The following SHISA9 variants were observed in gnomAD, a reference collection of about 807,000 sequenced individuals.
SHISA9 encodes shisa family member 9, also known as protein shisa-9.
A neutral mutation model predicts 38.0 loss-of-function variants in SHISA9; 13 were observed. The observed-to-expected ratio is 0.34, with a 90% CI of 0.22 to 0.54. SHISA9 has a LOEUF of 0.54. Ranked by LOEUF, SHISA9 falls within the 20% of genes least tolerant of loss-of-function variation. SHISA9 has a pLI of 0.91. For synonymous variants in SHISA9, 275 were observed against 242.0 expected (o/e 1.14, Z -1.27); for missense variants, 538 against 575.8 (o/e 0.93, Z 0.67).
At chr16:13,477,599 CTCCTT>C in the SHISA9 span, among the ~76,000 whole-genome samples, 1 of 152,188 alleles carries the variant, frequency 6.6e-6, no homozygotes, top group Non-Finnish European at 1.5e-5. Context: ...CATTTTCTCT[CTCCTT>C]TCCTTCTTCC....
chr16:13,155,569 G>A (rs1026947361), intron 2 of SHISA9, among the ~76,000 whole-genome samples: 2 of 147,268 alleles, frequency 1.4e-5, no homozygotes, highest in African/African-American at 5.0e-5. Flanking sequence ...GCCTTTCATA[G>A]TGTGTTTGTT....
At position 13,006,813 on chromosome 16, in the gene SHISA9, C is replaced by A. The variant is rs181922017; in HGVS notation, c.691+89998C>A. 3.2e-3 allele frequency among the ~76,000 whole-genome samples: 485 copies of A among 152,300 alleles called. 3 individuals are homozygous for A. The highest frequency in any genetic ancestry group is 0.011 in the African/African-American group (466 of 41,564). ...TGTGTTTGACACAATTGTCCACTCT[C>A]TGATCACTGAAGCTCATCCCCCGTC... On this transcript the variant is annotated intron_variant, in intron 2 of 4. Transcript: ENST00000558583.
the SHISA9 span, among the ~76,000 whole-genome samples, chr16:13,534,266 C>T: frequency 6.8e-6 from 1 of 146,882 alleles, no homozygotes; most frequent in Non-Finnish European, 1.5e-5. Flanking sequence ...GCTCTATTGC[C>T]TGAGCTGGAG....
At chr16:13,555,981 C>T in the SHISA9 span, among the ~76,000 whole-genome samples, 3 of 152,148 alleles carry the variant, frequency 2.0e-5, no homozygotes, top group African/African-American at 7.2e-5. Context: ...TCAGTTTCCT[C>T]ATTTGTTAGA....
chr16:13,544,406 T>C, the SHISA9 span, among the ~76,000 whole-genome samples: 13 of 123,474 alleles, frequency 1.1e-4, no homozygotes, highest in African/African-American at 3.8e-4. Context: ...GGTTTTTTGT[T>C]TTTTCGGGTT....
At chr16:12,964,185 A>G (rs1247046754) in intron 2 of SHISA9, among the ~76,000 whole-genome samples, 1 of 152,212 alleles carries the variant, frequency 6.6e-6, no homozygotes, top group Non-Finnish European at 1.5e-5. Flanking sequence ...TTTAGAACCA[A>G]GATACAGATG....
the SHISA9 span, among the ~76,000 whole-genome samples, chr16:13,388,831 G>T: frequency 1.3e-5 from 2 of 152,146 alleles, no homozygotes; most frequent in Non-Finnish European, 2.9e-5. Context: ...AAAAGAGGTG[G>T]AGGGGAGGAA....
At chr16:13,014,344 G>A (rs887324269) in intron 2 of SHISA9, among the ~76,000 whole-genome samples, 6 of 152,142 alleles carry the variant, frequency 3.9e-5, no homozygotes, top group African/African-American at 1.4e-4. Flanking sequence ...TCAAAGAAAG[G>A]GCATTTCCTA....
At chr16:13,358,388 C>T in the SHISA9 span, among the ~76,000 whole-genome samples, 1 of 152,068 alleles carries the variant, frequency 6.6e-6, no homozygotes, top group Non-Finnish European at 1.5e-5. Context: ...CCTTTGTCCC[C>T]CACCCCCCAA....
intron 2 of SHISA9, among the ~76,000 whole-genome samples, chr16:13,023,369 A>G (rs1203070401): frequency 1.3e-5 from 2 of 152,150 alleles, no homozygotes; most frequent in African/African-American, 4.8e-5. Context: ...TTATGGCTGC[A>G]CAGTATTCCA....
At chr16:13,379,555 C>T in the SHISA9 span, among the ~76,000 whole-genome samples, 4 of 152,214 alleles carry the variant, frequency 2.6e-5, no homozygotes, top group African/African-American at 7.2e-5. Flanking sequence ...TGGCAAATGA[C>T]ATTAGCTGCC....
the SHISA9 span, among the ~76,000 whole-genome samples, chr16:13,420,571 C>A: frequency 6.6e-6 from 1 of 152,148 alleles, no homozygotes; most frequent in Admixed American, 6.5e-5. Context: ...TAAGGAAAGG[C>A]AAGAGTAATG....
intron 2 of SHISA9, among the ~76,000 whole-genome samples, chr16:13,112,733 G>A (rs1390881374): frequency 6.6e-6 from 1 of 152,054 alleles, no homozygotes; most frequent in Non-Finnish European, 1.5e-5. Flanking sequence ...TCTGTTGGGA[G>A]GAGGTGCTTG....
chr16:13,370,378 A>G, the SHISA9 span, among the ~76,000 whole-genome samples: 6 of 152,214 alleles, frequency 3.9e-5, no homozygotes, highest in African/African-American at 1.4e-4. Context: ...AGGTCCTGGA[A>G]CAAGAAATGC....
intron 2 of SHISA9, among the ~76,000 whole-genome samples, chr16:13,155,016 G>A (rs1184780052): frequency 6.6e-6 from 1 of 152,206 alleles, no homozygotes. Context: ...TCCTGTAGGA[G>A]TTATTGGCAT....
intron 4 of SHISA9, among the ~76,000 whole-genome samples, chr16:13,221,600 A>G (rs987877700): frequency 6.6e-6 from 1 of 152,216 alleles, no homozygotes; most frequent in Non-Finnish European, 1.5e-5. Flanking sequence ...TAAGAGAAAG[A>G]AGTATTTCTT....
chr16:13,488,743 T>A, the SHISA9 span, among the ~76,000 whole-genome samples: 1 of 152,130 alleles, frequency 6.6e-6, no homozygotes, highest in Non-Finnish European at 1.5e-5. Context: ...GCATTCTTAT[T>A]TATTTATTTA....
chr16:13,035,544 T>G (rs918879988), intron 2 of SHISA9, among the ~76,000 whole-genome samples: 3 of 152,114 alleles, frequency 2.0e-5, no homozygotes, highest in African/African-American at 7.2e-5. Flanking sequence ...AGCTTTTTTT[T>G]TTTTGAGATG....
the SHISA9 span, among the ~76,000 whole-genome samples, chr16:13,272,192 T>C: frequency 1.3e-5 from 2 of 152,160 alleles, no homozygotes; most frequent in African/African-American, 4.8e-5. Flanking sequence ...ATGGGCACTT[T>C]TCATAATATG....
Sources: gnomAD v4.1 joint callset for allele counts (sites outside exome capture counted in the v4.1 genomes callset) on GRCh38, gnomAD v4.1.1 for gene constraint, MANE v1.5 for transcripts, NCBI Gene and HGNC (gene_info 2026-07-23, HGNC 2026-07-21) for gene names.